Variants in ASPH observed in about 807,000 individuals in gnomAD.
The protein encoded by ASPH is aspartyl/asparaginyl beta-hydroxylase.
In ASPH, 100 loss-of-function variants were observed where a neutral mutation model predicts 118.4. The observed-to-expected ratio is 0.84, with a 90% confidence interval of 0.72 to 1.00. ASPH has a LOEUF of 1.00. Among genes scored for constraint, ASPH ranks in the 50% least tolerant of loss-of-function variants. The pLI, the probability that ASPH is intolerant of heterozygous loss-of-function variation, is 0.00. For missense variants in ASPH, 920 were observed against 919.5 expected (o/e 1.00, Z -0.01); for synonymous variants, 315 against 325.6 (o/e 0.97, Z 0.35).
At chr8:61,539,699 G>GGTGGGTGTGTGTGTGTGTGTGTGT (rs1554618409) in intron 21 of ASPH, among the ~76,000 whole-genome samples, 3 of 124,208 alleles carry the variant, frequency 2.4e-5, no homozygotes, top group Non-Finnish European at 1.7e-5. Flanking sequence ...ACACTTCTGG[G>GGTGGGTGTGTGTGTGTGTGTGTGT]GTGTGTGTGT....
chr8:61,664,776 A>G (rs758502728), intron 3 of ASPH: 1 of 986,680 alleles, frequency 1.0e-6, no homozygotes, highest in Non-Finnish European at 1.2e-6. Context: ...GTGGTGGCAC[A>G]TGAGCCTGGG....
intron 1 of ASPH, 72 bp from the exon 2 acceptor site, chr8:61,684,260 C>A (rs980833334): frequency 5.5e-6 from 8 of 1,456,520 alleles, no homozygotes; most frequent in Non-Finnish European, 5.6e-6. Context: ...ACAATTATTT[C>A]TCCAATAATT....
At chr8:61,535,895 C>T (rs2129822933) in intron 21 of ASPH, among the ~76,000 whole-genome samples, 1 of 152,282 alleles carries the variant, frequency 6.6e-6, no homozygotes, top group East Asian at 1.9e-4. Flanking sequence ...GCTATTGCAG[C>T]AAATTCTCTT....
chr8:61,540,801 T>C (rs1236696119), intron 21 of ASPH, among the ~76,000 whole-genome samples: 1 of 152,126 alleles, frequency 6.6e-6, no homozygotes, highest in African/African-American at 2.4e-5. Context: ...TGAATGAAAA[T>C]GTGCTATCAG....
intron 14 of ASPH, chr8:61,606,773 A>T (rs910795631): frequency 6.6e-6 from 1 of 152,368 alleles, no homozygotes; most frequent in African/African-American, 2.4e-5. Flanking sequence ...TTAAGACAAG[A>T]CTCTAATGTA....
intron 17 of ASPH, among the ~76,000 whole-genome samples, chr8:61,564,297 C>CTTTTTT (rs1176381658): frequency 7.5e-6 from 1 of 134,038 alleles, no homozygotes; most frequent in African/African-American, 2.7e-5. Flanking sequence ...AATGCTGATT[C>CTTTTTT]TTTTTTTTTT....
chr8:61,686,453 C>T (rs1830573121), intron 1 of ASPH, among the ~76,000 whole-genome samples: 1 of 152,012 alleles, frequency 6.6e-6, no homozygotes, highest in Non-Finnish European at 1.5e-5. Flanking sequence ...AAAAGATTTA[C>T]GAAAGTGAGT....
At chr8:61,692,674 C>T (rs977800339) in intron 1 of ASPH, among the ~76,000 whole-genome samples, 9 of 152,160 alleles carry the variant, frequency 5.9e-5, no homozygotes, top group African/African-American at 1.9e-4. Context: ...GCTATCATTA[C>T]AGCAATGGTT....
At chr8:61,625,803 T>C (rs1852547045) in intron 13 of ASPH, 1 of 986,608 alleles carries the variant, frequency 1.0e-6, no homozygotes, top group Non-Finnish European at 1.2e-6. Flanking sequence ...TTTTTAAGAG[T>C]GCTAACACAA....
intron 14 of ASPH, among the ~76,000 whole-genome samples, chr8:61,584,676 CT>C (rs986496566): frequency 1.8e-4 from 23 of 127,196 alleles, no homozygotes; most frequent in East Asian, 6.6e-4. Context: ...TTCTTTTTTT[CT>C]TTTTTTTTTT....
chr8:61,686,823 A>G (rs1017109047), intron 1 of ASPH, among the ~76,000 whole-genome samples: 1 of 152,180 alleles, frequency 6.6e-6, no homozygotes, highest in South Asian at 2.1e-4. Context: ...CCTCTTGAAC[A>G]TTCTGTAGCT....
At chr8:61,537,038 A>T (rs1296576567) in intron 21 of ASPH, among the ~76,000 whole-genome samples, 1 of 152,204 alleles carries the variant, frequency 6.6e-6, no homozygotes, top group Non-Finnish European at 1.5e-5. Flanking sequence ...CCTGAGAGGA[A>T]GGAGAAAAGA....
chr8:61,569,410 T>C (rs998727427), intron 16 of ASPH, among the ~76,000 whole-genome samples: 1 of 152,194 alleles, frequency 6.6e-6, no homozygotes, highest in Non-Finnish European at 1.5e-5. Flanking sequence ...TTAAAATGTG[T>C]GCTGTAGTTA....
chr8:61,663,648 AT>A, intron 3 of ASPH: 2 of 985,308 alleles, frequency 2.0e-6, no homozygotes, highest in Non-Finnish European at 2.4e-6. Flanking sequence ...ATGTGTAAAA[AT>A]GGCAAAATCC....
At chr8:61,637,858 C>G in intron 12 of ASPH, 89 bp downstream of exon 12, 3 of 1,298,478 alleles carry the variant, frequency 2.3e-6, no homozygotes, top group Non-Finnish European at 3.3e-6. Flanking sequence ...ACTGTATAGA[C>G]AGCAAGTAGG....
At position 61,667,365 on chromosome 8, in the gene ASPH, A is replaced by ATTT. The variant is rs201695707; in HGVS notation, c.322+13600_322+13602dup. Among the ~76,000 whole-genome samples, 772 of 152,098 alleles carry ATTT rather than the reference A, an allele frequency of 5.1e-3. 9 individuals are homozygous for ATTT. Among genetic ancestry groups the ATTT allele is most frequent in the African/African-American group, 0.018 (733 of 41,472 alleles). On this transcript the variant is annotated intron_variant, in intron 3 of 24. Transcript: ENST00000379454. ...AAATGGCTGACAGGTATAATAACTT[A>ATTT]TTTATTATTATTATTATTATTTTGA...
At chr8:61,510,268 TAG>T (rs1331915983) in intron 24 of ASPH, among the ~76,000 whole-genome samples, 1 of 152,174 alleles carries the variant, frequency 6.6e-6, no homozygotes, top group Non-Finnish European at 1.5e-5. Context: ...GTAAGTTGTA[TAG>T]AGTTACTCTT....
rs142653536 is a variant in ASPH at position 61,629,579 on chromosome 8, C to T, written c.934+4104G>A. Among the ~76,000 whole-genome samples the T allele has an allele frequency of 8.5e-5, 13 of 152,296 alleles. No individual in the cohort carries two copies. The East Asian group carries it at 2.3e-3, about 27-fold the overall frequency. ...TTAAGCTTAAGCTTCCACATGCTTG[C>T]CAAGAATCCACGTGCACAGCACTTA... On this transcript the variant is annotated intron_variant, in intron 13 of 24. Coordinates refer to ENST00000379454, the MANE Select transcript of ASPH (RefSeq NM_004318.4).
intron 13 of ASPH, chr8:61,625,893 T>C (rs1409050524): frequency 9.8e-7 from 1 of 1,020,284 alleles, no homozygotes; most frequent in Non-Finnish European, 1.2e-6. Flanking sequence ...TTACTAATAA[T>C]ATATGAAAAC....
Sources: allele counts gnomAD v4.1 joint callset (sites outside exome capture counted in the v4.1 genomes callset), GRCh38; gene constraint gnomAD v4.1.1; transcripts MANE v1.5; gene names NCBI Gene and HGNC (gene_info 2026-07-23, HGNC 2026-07-21).